SLC2A14: variants seen among roughly 807,000 people sequenced by gnomAD.
SLC2A14 encodes the protein solute carrier family 2, facilitated glucose transporter member 14.
SLC2A14 carries 13 observed loss-of-function variants against 43.0 expected under a neutral mutation model. The observed-to-expected ratio is 0.30, with a 90% CI of 0.20 to 0.48. The LOEUF (loss-of-function observed/expected upper bound fraction) is 0.48, where lower values mean the gene tolerates loss of function less well. Ranked by LOEUF, SLC2A14 falls within the 20% of genes least tolerant of loss-of-function variation. The pLI, the probability that SLC2A14 is intolerant of heterozygous loss-of-function variation, is 0.99. For synonymous variants in SLC2A14, 190 were observed against 233.8 expected, an observed-to-expected ratio of 0.81 and a Z score of 1.71; for missense variants, 428 against 620.4, an observed-to-expected ratio of 0.69 and a Z score of 3.29.
intron 2 of SLC2A14, among the ~76,000 whole-genome samples, chr12:7,855,063 C>T (rs942094263): frequency 6.6e-6 from 1 of 152,062 alleles, no homozygotes; most frequent in Non-Finnish European, 1.5e-5. Context: ...CCACCTCGGC[C>T]TCCCAAAGGG....
At chr12:7,876,280 CAAAAA>C (rs59935166), upstream of SLC2A14, among the ~76,000 whole-genome samples, 88 of 68,208 alleles carry the variant, frequency 1.3e-3, 1 homozygote, top group South Asian at 9.0e-3. Context: ...AACTCCATCT[CAAAAA>C]AAAAAAAAAA....
chr12:7,887,498 G>A (rs1175300435), intron 1 of SLC2A14, among the ~76,000 whole-genome samples: 1 of 151,892 alleles, frequency 6.6e-6, no homozygotes, highest in Non-Finnish European at 1.5e-5. Context: ...TTAAACAGGT[G>A]AAAAATGAAA....
chr12:7,822,103 C>T (rs1592151714), intron 7 of SLC2A14, among the ~76,000 whole-genome samples: 4 of 151,762 alleles, frequency 2.6e-5, no homozygotes, highest in East Asian at 4.0e-4. Flanking sequence ...GGATTACAGG[C>T]GTGAGCCACC....
chr12:7,859,582 G>A (rs1225546659), intron 2 of SLC2A14, among the ~76,000 whole-genome samples: 6 of 152,084 alleles, frequency 3.9e-5, no homozygotes, highest in Non-Finnish European at 2.9e-5. Flanking sequence ...AAGAAACTGA[G>A]GGCCAGTTGT....
chr12:7,824,500 T>C (rs1041738514), intron 7 of SLC2A14, among the ~76,000 whole-genome samples: 2 of 151,568 alleles, frequency 1.3e-5, no homozygotes, highest in African/African-American at 4.8e-5. Flanking sequence ...CTGGGAGGCA[T>C]AGGCGGGCAG....
chr12:7,878,036 C>T (rs1026861028), upstream of SLC2A14, among the ~76,000 whole-genome samples: 4 of 151,162 alleles, frequency 2.6e-5, no homozygotes, highest in Admixed American at 1.3e-4. Flanking sequence ...CCACCATGCC[C>T]GGCCTTATTG....
At chr12:7,827,974 A>G (rs1325029519) in intron 6 of SLC2A14, among the ~76,000 whole-genome samples, 2 of 152,104 alleles carry the variant, frequency 1.3e-5, no homozygotes, top group Admixed American at 6.6e-5. Flanking sequence ...CCCATCTCTA[A>G]TAAAAATACA....
At chr12:7,881,475 C>T (rs1034814134) in intron 1 of SLC2A14, among the ~76,000 whole-genome samples, 4 of 152,104 alleles carry the variant, frequency 2.6e-5, no homozygotes, top group African/African-American at 9.7e-5. Flanking sequence ...GCCGGCCCAC[C>T]GGCGCTGCAC....
At chr12:7,866,224 CAA>C (rs1294745106) in intron 2 of SLC2A14, among the ~76,000 whole-genome samples, 9 of 93,600 alleles carry the variant, frequency 9.6e-5, no homozygotes, top group African/African-American at 8.7e-5. Flanking sequence ...GACTCTGTCT[CAA>C]AAAAAAAAAA....
At chr12:7,825,687 C>T (rs1261499740) in intron 7 of SLC2A14, among the ~76,000 whole-genome samples, 2 of 142,994 alleles carry the variant, frequency 1.4e-5, no homozygotes, top group African/African-American at 5.3e-5. Flanking sequence ...CGCTTGAACC[C>T]GGAGGCAGAG....
At chr12:7,863,696 CAT>C (rs1328200031) in intron 2 of SLC2A14, among the ~76,000 whole-genome samples, 1 of 152,070 alleles carries the variant, frequency 6.6e-6, no homozygotes, top group African/African-American at 2.4e-5. Flanking sequence ...AAATGACAAA[CAT>C]ACTGTTTATG....
At chr12:7,873,642 A>AAAAAAAAC (rs1945353146), upstream of SLC2A14, among the ~76,000 whole-genome samples, 1 of 151,056 alleles carries the variant, frequency 6.6e-6, no homozygotes, top group African/African-American at 2.4e-5. Flanking sequence ...TCCGTCTCAA[A>AAAAAAAAC]AAACAAACAA....
intron 2 of SLC2A14, among the ~76,000 whole-genome samples, chr12:7,842,451 C>T (rs1866036432): frequency 6.6e-6 from 1 of 152,186 alleles, no homozygotes; most frequent in Admixed American, 6.5e-5. Context: ...TTGATCTTAG[C>T]CAAAAGGCCG....
upstream of SLC2A14, among the ~76,000 whole-genome samples, chr12:7,876,280 C>CAAAAAAAAAAAAAAAAAAAAA (rs59935166): frequency 1.5e-5 from 1 of 68,208 alleles, no homozygotes; most frequent in Non-Finnish European, 2.7e-5. Flanking sequence ...AACTCCATCT[C>CAAAAAAAAAAAAAAAAAAAAA]AAAAAAAAAA....
chr12:7,885,938 G>A (rs775432620), intron 1 of SLC2A14, among the ~76,000 whole-genome samples: 10 of 151,876 alleles, frequency 6.6e-5, no homozygotes, highest in Non-Finnish European at 1.2e-4. Flanking sequence ...CATATGTGAA[G>A]ATTTATTGTA....
rs71038792 is a variant in SLC2A14, at chr12:7,862,264, CAAAAAAA to C, written c.18+7592_18+7598del. On this transcript the variant is annotated intron_variant, in intron 2 of 10. Transcript: ENST00000431042. ...GGGCTACAGAGCCAGACTTGTCTCT[CAAAAAAA>C]AAAAAAAAAAAAAAAAAGAAGACAC... Among the ~76,000 whole-genome samples, 41 of 58,898 alleles carry C rather than the reference CAAAAAAA, an allele frequency of 7.0e-4. 2 individuals carry two copies. The South Asian group carries it at 0.022, about 32-fold the overall frequency. The allele number at this position is 58,898 out of a possible 152,430, so 38.6% of individuals were successfully genotyped here.
At chr12:7,858,355 T>C (rs1944366089) in intron 2 of SLC2A14, among the ~76,000 whole-genome samples, 1 of 152,148 alleles carries the variant, frequency 6.6e-6, no homozygotes, top group Non-Finnish European at 1.5e-5. Flanking sequence ...ATGGGTTGTA[T>C]TTTATTACTG....
intron 2 of SLC2A14, among the ~76,000 whole-genome samples, chr12:7,853,462 C>T (rs927001531): frequency 6.9e-6 from 1 of 144,420 alleles, no homozygotes; most frequent in African/African-American, 2.6e-5. Context: ...ATTAGCCAGG[C>T]GTGGTGGCGC....
chr12:7,880,612 A>G (rs776512059), intron 1 of SLC2A14, among the ~76,000 whole-genome samples: 14 of 150,294 alleles, frequency 9.3e-5, no homozygotes, highest in Non-Finnish European at 1.9e-4. Flanking sequence ...ATGGATCACG[A>G]GGTCAGGAGA....
Sources: allele counts gnomAD v4.1 joint callset (sites outside exome capture counted in the v4.1 genomes callset), GRCh38; gene constraint gnomAD v4.1.1; transcripts MANE v1.5; gene names NCBI Gene and HGNC (gene_info 2026-07-23, HGNC 2026-07-21).